SPATA45: variants seen among roughly 807,000 people sequenced by gnomAD.
SPATA45 encodes spermatogenesis associated 45.
A neutral mutation model predicts 7.0 loss-of-function variants in SPATA45; 5 were observed. The observed-to-expected ratio is 0.71, with a 90% CI of 0.37 to 1.50. The LOEUF (loss-of-function observed/expected upper bound fraction) is 1.50. Ranked by LOEUF, SPATA45 falls within the 40% of genes most tolerant of loss-of-function variation. The pLI is 0.03. For missense variants in SPATA45, 111 were observed against 114.9 expected (o/e 0.97, Z 0.16); for synonymous variants, 40 against 38.7 (o/e 1.03, Z -0.13).
chr1:212,835,037 T>C (rs1351715034), intron 2 of SPATA45, among the ~76,000 whole-genome samples: 3 of 151,566 alleles, frequency 2.0e-5, no homozygotes, highest in Non-Finnish European at 1.5e-5. Flanking sequence ...TGGGATTCTG[T>C]ATGCATAAAA....
At chr1:212,843,093 TCAAACATA>T (rs1391989207) in intron 1 of SPATA45, among the ~76,000 whole-genome samples, 2,872 of 80,102 alleles carry the variant, frequency 0.036, 53 homozygotes, top group Middle Eastern at 0.079. Context: ...CAAGACTCCG[TCAAACATA>T]CACACACACA....
chr1:212,835,987 A>G lies in SPATA45; in HGVS notation c.163T>C (p.Tyr55His). 6.2e-7 allele frequency: 1 copy of G among 1,610,966 alleles called. No individual in the cohort carries two copies. The change falls in exon 2 of 3, where the codon TAT (tyrosine) becomes CAT (histidine). Residue 55 changes from tyrosine (Y) to histidine (H), a missense_variant. Tyr to His is a moderately conservative substitution (Grantham distance 83). Transcript: ENST00000332912. ...GTTGTGGTATCAGTAAAGGACTGAT[A>G]GGCATCCGGGAAGTGCCTCTTTTGA... ...RVQKRHFPDAYQSFTDTTTKE... is the reference protein window; with the variant it reads ...RVQKRHFPDAHQSFTDTTTKE...
chr1:212,845,005 C>T (rs1663766110), intron 1 of SPATA45, among the ~76,000 whole-genome samples: 1 of 152,152 alleles, frequency 6.6e-6, no homozygotes, highest in Non-Finnish European at 1.5e-5. Context: ...GTCACTCCTA[C>T]CTACACCCCA....
In SPATA45 at chr1:212,839,932, G is replaced by A. The variant is rs559544631; in HGVS notation, c.-38-3745C>T. ...CACATTGCCTAATGAATATCAGGTGGTTGATAAATATTTTAATGAATGAAT... is the reference window on the plus strand; with the variant it reads ...CACATTGCCTAATGAATATCAGGTGATTGATAAATATTTTAATGAATGAAT... On this transcript the variant is annotated intron_variant, in intron 1 of 2. Coordinates refer to ENST00000332912, the MANE Select transcript of SPATA45 (RefSeq NM_001024601.3). Among the ~76,000 whole-genome samples the A allele has an allele frequency of 9.2e-5, 14 of 151,494 alleles. 1 individual carries two copies. The highest frequency in any genetic ancestry group is 1.6e-4 in the Non-Finnish European group (11 of 67,750).
intron 1 of SPATA45, among the ~76,000 whole-genome samples, chr1:212,838,494 T>C (rs1279029027): frequency 6.6e-6 from 1 of 151,496 alleles, no homozygotes; most frequent in Non-Finnish European, 1.5e-5. Flanking sequence ...TGGAACAATG[T>C]CTGGAAAATA....
At chr1:212,844,627 C>A (rs546381440) in intron 1 of SPATA45, among the ~76,000 whole-genome samples, 1 of 152,286 alleles carries the variant, frequency 6.6e-6, no homozygotes, top group South Asian at 2.1e-4. Flanking sequence ...TGCTCTGCCC[C>A]CCTCCACTAT....
intron 1 of SPATA45, among the ~76,000 whole-genome samples, chr1:212,843,521 T>C (rs1407456950): frequency 6.6e-6 from 1 of 152,242 alleles, no homozygotes; most frequent in Admixed American, 6.5e-5. Context: ...GTTTACTTGC[T>C]GTGTGACTAG....
At chr1:212,842,801 T>C (rs1663711381) in intron 1 of SPATA45, among the ~76,000 whole-genome samples, 1 of 151,950 alleles carries the variant, frequency 6.6e-6, no homozygotes, top group Non-Finnish European at 1.5e-5. Context: ...GGTGAAACCC[T>C]GTCTCGGCTG....
chr1:212,839,082 G>A (rs1308528335), intron 1 of SPATA45, among the ~76,000 whole-genome samples: 1 of 148,658 alleles, frequency 6.7e-6, no homozygotes, highest in Non-Finnish European at 1.5e-5. Context: ...ATAAATTGTG[G>A]TATATGTGCA....
At position 212,842,700 on chromosome 1, in the gene SPATA45, C is replaced by T. The variant is rs144673451; in HGVS notation, c.-39+4880G>A. ...ATGAAAATAATATCCAGGCCAGGTG[C>T]GGTGGCTCACGCCTGTGATCCCAAC... On this transcript the variant is annotated intron_variant, in intron 1 of 2. Coordinates refer to ENST00000332912, the MANE Select transcript of SPATA45 (RefSeq NM_001024601.3). Among the ~76,000 whole-genome samples the T allele has an allele frequency of 4.7e-3, 715 of 152,196 alleles. 8 individuals are homozygous for T. Among genetic ancestry groups the T allele is most frequent in the African/African-American group, 0.016 (654 of 41,524 alleles).
intron 1 of SPATA45, among the ~76,000 whole-genome samples, chr1:212,844,543 AC>A (rs1288963220): frequency 6.6e-6 from 1 of 152,016 alleles, no homozygotes; most frequent in Admixed American, 6.6e-5. Flanking sequence ...TGGCAGTTCC[AC>A]CATGCCTAAT....
intron 1 of SPATA45, among the ~76,000 whole-genome samples, chr1:212,839,508 C>T (rs35469677): frequency 6.6e-6 from 1 of 150,994 alleles, no homozygotes; most frequent in Non-Finnish European, 1.5e-5. Context: ...ATCCCAGCTA[C>T]TCAGGAGGCT....
chr1:212,837,730 A>G (rs987573740), intron 1 of SPATA45, among the ~76,000 whole-genome samples: 1 of 151,814 alleles, frequency 6.6e-6, no homozygotes, highest in African/African-American at 2.4e-5. Flanking sequence ...TAAGCCTGGG[A>G]GGTGAAGGTT....
chr1:212,832,518 T>C (rs1002742562), intron 2 of SPATA45, among the ~76,000 whole-genome samples: 7 of 151,352 alleles, frequency 4.6e-5, no homozygotes, highest in Middle Eastern at 3.4e-3. Flanking sequence ...CCTAAGCTTT[T>C]TGAGGCAAGA....
chr1:212,846,361 TTATAA>T (rs781277998), intron 1 of SPATA45, among the ~76,000 whole-genome samples: 1 of 152,144 alleles, frequency 6.6e-6, no homozygotes, highest in Non-Finnish European at 1.5e-5. Context: ...GTTTTTCTTA[TTATAA>T]TATAAGAAGA....
intron 2 of SPATA45, among the ~76,000 whole-genome samples, chr1:212,831,450 G>A (rs1459469957): frequency 1.4e-5 from 2 of 147,586 alleles, no homozygotes; most frequent in African/African-American, 2.5e-5. Context: ...TCCAGCCCCA[G>A]TGACAGAGCA....
chr1:212,835,962 G>C lies in SPATA45; in HGVS notation c.188C>G (p.Thr63Ser). Reference protein sequence around the residue: ...DAYQSFTDTTTKEPVPNSGRS... With the variant: ...DAYQSFTDTTSKEPVPNSGRS... ...GCCACTGTTGGGAACAGGCTCTTTG[G>C]TTGTGGTATCAGTAAAGGACTGATA... Residue 63 changes from threonine (T) to serine (S), a missense_variant, in exon 2 of 3, where the codon ACC (threonine) becomes AGC (serine). Thr to Ser is a moderately conservative substitution (Grantham distance 58, BLOSUM62 1). Coordinates refer to ENST00000332912, the MANE Select transcript of SPATA45 (RefSeq NM_001024601.3). 1 of 1,610,448 alleles carries C rather than the reference G, an allele frequency of 6.2e-7. No homozygotes were observed. Among genetic ancestry groups the C allele is most frequent in the Non-Finnish European group, 8.5e-7 (1 of 1,177,050 alleles).
Position 212,834,258 on chromosome 1 carries a change from G to C in SPATA45, c.277+1615C>G, listed in dbSNP as rs150847718. 1.9e-4 allele frequency among the ~76,000 whole-genome samples: 29 copies of C among 151,256 alleles called. 3 individuals are homozygous for C. The highest frequency in any genetic ancestry group is 2.8e-4 in the Non-Finnish European group (19 of 67,706). On this transcript the variant is annotated intron_variant, in intron 2 of 2. Transcript: ENST00000332912. ...TTCTGATCTAAATTAATAATTTGTT[G>C]GTTGTATTAGATATGATTACACACC...
chr1:212,838,302 T>A (rs75244310), intron 1 of SPATA45, among the ~76,000 whole-genome samples: 2 of 139,440 alleles, frequency 1.4e-5, no homozygotes, highest in Non-Finnish European at 3.1e-5. Context: ...GGACTTTGTC[T>A]AAAAAAAAAA....
Sources: allele counts gnomAD v4.1 joint callset (sites outside exome capture counted in the v4.1 genomes callset), GRCh38; gene constraint gnomAD v4.1.1; transcripts MANE v1.5; gene names NCBI Gene and HGNC (gene_info 2026-07-23, HGNC 2026-07-21).